CRTAC1: variants seen among roughly 807,000 people sequenced by gnomAD.
CRTAC1 encodes cartilage acidic protein 1, also known as acidic secreted protein in cartilage.
CRTAC1 carries 37 observed loss-of-function variants against 67.8 expected under a neutral mutation model. That is an observed-to-expected ratio of 0.55 (90% CI 0.42 to 0.72). CRTAC1 has a LOEUF of 0.72. Among genes scored for constraint, CRTAC1 ranks in the 30% least tolerant of loss-of-function variants. The pLI is 0.00. For missense variants in CRTAC1, 780 were observed against 931.6 expected (o/e 0.84, Z 2.12); for synonymous variants, 348 against 371.0 (o/e 0.94, Z 0.71).
chr10:97,894,765 T>TATATATATATATATA (rs2050430940), intron 11 of CRTAC1, among the ~76,000 whole-genome samples: 5 of 104,138 alleles, frequency 4.8e-5, no homozygotes, highest in Non-Finnish European at 9.7e-5. Context: ...TATATATATA[T>TATATATATATATATA]GATAGGATTT....
intron 2 of CRTAC1, among the ~76,000 whole-genome samples, chr10:97,970,374 C>T (rs979900021): frequency 1.2e-4 from 18 of 152,208 alleles, no homozygotes; most frequent in African/African-American, 3.9e-4. Context: ...CATGTCACCC[C>T]TTGGCTCAAA....
intron 14 of CRTAC1, chr10:97,869,604 G>T (rs1159272010): frequency 6.6e-6 from 1 of 152,332 alleles, no homozygotes; most frequent in Non-Finnish European, 1.5e-5. Flanking sequence ...AAACCACAGG[G>T]TTTACAGAAG....
chr10:98,025,174 C>T (rs1296040279), intron 1 of CRTAC1, among the ~76,000 whole-genome samples: 2 of 152,084 alleles, frequency 1.3e-5, no homozygotes, highest in South Asian at 2.1e-4. Context: ...ATCACTCCCA[C>T]CTCTAATGTG....
intron 5 of CRTAC1, among the ~76,000 whole-genome samples, chr10:97,910,426 GA>G (rs2050674591): frequency 1.3e-5 from 2 of 152,186 alleles, no homozygotes; most frequent in Non-Finnish European, 2.9e-5. Flanking sequence ...GGCCCCTAAT[GA>G]AATCAGAACC....
At chr10:97,904,846 G>T in intron 6 of CRTAC1, 32 bp from the exon 7 acceptor site, 1 of 1,578,414 alleles carries the variant, frequency 6.3e-7, no homozygotes, top group Non-Finnish European at 8.6e-7. Context: ...TCTCAGGGCG[G>T]CATCCCCTGC....
intron 2 of CRTAC1, among the ~76,000 whole-genome samples, chr10:97,972,494 C>G (rs537655762): frequency 6.6e-6 from 1 of 152,246 alleles, no homozygotes; most frequent in South Asian, 2.1e-4. Flanking sequence ...CTGGGCTCTG[C>G]CTCTGATACG....
intron 2 of CRTAC1, among the ~76,000 whole-genome samples, chr10:97,983,168 A>G (rs540475732): frequency 6.6e-6 from 1 of 152,348 alleles, no homozygotes; most frequent in African/African-American, 2.4e-5. Context: ...CTACCTTTGG[A>G]GAAAGCCCAC....
chr10:97,882,171 C>T (rs2050223779), intron 13 of CRTAC1, among the ~76,000 whole-genome samples: 1 of 152,184 alleles, frequency 6.6e-6, no homozygotes, highest in Admixed American at 6.5e-5. Context: ...CTGACCCCTC[C>T]TTGCTGGTCA....
rs914365899 is a variant in CRTAC1, at chr10:98,013,770, T to C, written c.25-2433A>G. Reference sequence around the variant, plus strand: ...GGCCAACCCATGTGGTTTTCCTTTCTAAGGATATTAAACATATTTTGAACA... The same window carrying C: ...GGCCAACCCATGTGGTTTTCCTTTCCAAGGATATTAAACATATTTTGAACA... On this transcript the variant is annotated intron_variant, in intron 1 of 14. Transcript: ENST00000370597. Among the ~76,000 whole-genome samples the C allele has an allele frequency of 3.3e-5, 5 of 152,238 alleles. No individual in the cohort carries two copies. The South Asian group carries it at 1.0e-3, about 31-fold the overall frequency.
chr10:97,894,727 T>C (rs1407437639), intron 11 of CRTAC1, among the ~76,000 whole-genome samples: 1 of 19,886 alleles, frequency 5.0e-5, no homozygotes, highest in Non-Finnish European at 9.3e-5. Context: ...TATATATATA[T>C]ATATATATAT....
rs116332036 is a variant in CRTAC1, at chr10:98,025,719, G to T, written c.24+4730C>A. 9.8e-3 allele frequency among the ~76,000 whole-genome samples: 1,492 copies of T among 152,300 alleles called. 36 individuals are homozygous for T. The highest frequency in any genetic ancestry group is 0.033 in the African/African-American group (1,383 of 41,556). On this transcript the variant is annotated intron_variant, in intron 1 of 14. Coordinates refer to ENST00000370597, the MANE Select transcript of CRTAC1 (RefSeq NM_018058.7). ...CCCTAGCAGAGCCCAGGCTGGCCTGGAAGCCTGTATCTGCAGCCTGCAGGA... is the reference window on the plus strand; with the variant it reads ...CCCTAGCAGAGCCCAGGCTGGCCTGTAAGCCTGTATCTGCAGCCTGCAGGA...
At chr10:97,958,596 A>G (rs1023151877) in intron 2 of CRTAC1, among the ~76,000 whole-genome samples, 5 of 152,142 alleles carry the variant, frequency 3.3e-5, no homozygotes, top group African/African-American at 7.2e-5. Context: ...CTGACACATC[A>G]TTTGAGTCCA....
chr10:97,944,102 A>C (rs1212046708), intron 2 of CRTAC1, among the ~76,000 whole-genome samples: 1 of 152,206 alleles, frequency 6.6e-6, no homozygotes, highest in Admixed American at 6.5e-5. Context: ...CTGTAAGGCA[A>C]GATAACCTTT....
At chr10:97,930,910 C>G (rs528056401) in intron 3 of CRTAC1, among the ~76,000 whole-genome samples, 1 of 91,376 alleles carries the variant, frequency 1.1e-5, no homozygotes, top group East Asian at 3.4e-4. Flanking sequence ...CAACATCCAC[C>G]AAGAGCAAAG....
chr10:97,994,465 A>G (rs1307443305), intron 2 of CRTAC1, among the ~76,000 whole-genome samples: 2 of 152,158 alleles, frequency 1.3e-5, no homozygotes, highest in Non-Finnish European at 2.9e-5. Context: ...TGTAGAGAAA[A>G]GGAGGGAGAG....
intron 11 of CRTAC1, among the ~76,000 whole-genome samples, chr10:97,889,995 A>T (rs1420448875): frequency 6.6e-6 from 1 of 152,160 alleles, no homozygotes; most frequent in Non-Finnish European, 1.5e-5. Context: ...GGGTAAATAG[A>T]TGATGAGTGT....
intron 2 of CRTAC1, among the ~76,000 whole-genome samples, chr10:97,943,727 C>T (rs545506270): frequency 1.2e-4 from 19 of 152,332 alleles, no homozygotes; most frequent in African/African-American, 2.2e-4. Context: ...CTTCCATTTT[C>T]GTAAATATGG....
intron 14 of CRTAC1, chr10:97,879,859 A>T: frequency 6.1e-5 from 25 of 407,912 alleles, no homozygotes; most frequent in Middle Eastern, 7.6e-4. Context: ...GGGGGTGGGG[A>T]CGGGGTGGGG....
At chr10:97,936,400 G>A (rs2051089571) in intron 2 of CRTAC1, 34 bp from the exon 3 acceptor site, 1 of 1,562,734 alleles carries the variant, frequency 6.4e-7, no homozygotes, top group African/African-American at 1.4e-5. Context: ...TGCTGGGGAG[G>A]AGCCGCTGGG....
Sources: gnomAD v4.1 joint callset for allele counts (sites outside exome capture counted in the v4.1 genomes callset) on GRCh38, gnomAD v4.1.1 for gene constraint, MANE v1.5 for transcripts, NCBI Gene and HGNC (gene_info 2026-07-23, HGNC 2026-07-21) for gene names.